The following EIF4G1 variants were observed in gnomAD, a reference collection of about 807,000 sequenced individuals.
EIF4G1 encodes EIF4-gamma.
In EIF4G1, 4 loss-of-function variants were observed where a neutral mutation model predicts 187.8. That is an observed-to-expected ratio of 0.02 (90% CI 0.01 to 0.05). The LOEUF is 0.05. Among genes scored for constraint, EIF4G1 ranks in the 10% least tolerant of loss-of-function variants. The pLI, the probability that EIF4G1 is intolerant of heterozygous loss-of-function variation, is 1.00. For synonymous variants in EIF4G1, 844 were observed against 781.4 expected (o/e 1.08, Z -1.34); for missense variants, 1,647 against 2,081.1 (o/e 0.79, Z 4.06).
intron 30 of EIF4G1, 43 bp downstream of exon 30, chr3:184,331,649 G>A: frequency 6.2e-7 from 1 of 1,610,674 alleles, no homozygotes; most frequent in Non-Finnish European, 8.5e-7. Context: ...GTAGTTCTTA[G>A]GGTGGGGGTG....
rs753319824 is a variant in EIF4G1, at chr3:184,331,342, T to C, written c.4238T>C (p.Ile1413Thr). 7 of 1,614,166 alleles carry C rather than the reference T, an allele frequency of 4.3e-6. No homozygotes were observed. Among genetic ancestry groups the C allele is most frequent in the Non-Finnish European group, 5.9e-6 (7 of 1,180,018 alleles). ...GAATTTCTACCTGAAGGCCAGGACA[T>C]TGGTGCATTCGTCGCTGAACAGGTT... ...WKEFLPEGQD[I>T]GAFVAEQKVE... The change falls in exon 29 of 33, where the codon ATT (isoleucine) becomes ACT (threonine). Residue 1413 changes from isoleucine to threonine, a missense_variant. By Grantham distance (89) the Ile-to-Thr change is moderately conservative. This residue lies in a region of EIF4G1 where 543 missense variants were observed against 638.0 expected (regional missense o/e 0.85). Coordinates refer to ENST00000346169, the MANE Select transcript of EIF4G1 (RefSeq NM_198241.3).
rs573866652 is a variant in EIF4G1, at chr3:184,323,286, T to C, written c.2088+45T>C. ...GTGGCAGGTGGGCAAGGAGTGGGAG[T>C]GGATGATTCCGTGTCTCAGTGCCCG... On this transcript the variant is annotated intron_variant, in intron 14 of 32. Transcript: ENST00000346169. This position sits in a 1 kb window ranked among gnomAD's most constrained non-coding sequence, Gnocchi z 6.9. 6.2e-7 allele frequency: 1 copy of C among 1,612,330 alleles called. No homozygotes were observed. Among genetic ancestry groups the C allele is most frequent in the South Asian group, 1.1e-5 (1 of 91,036 alleles).
rs373225637 is a variant in EIF4G1 at position 184,331,733 on chromosome 3, C to T, written c.4401C>T (p.Asn1467=). ...NQRVFDWIEA[N]LSEQQIVSNT... ...CATTTGTTTCTCCCATACAGGCCAA[C>T]CTGAGTGAGCAGCAGATAGTATCCA... The change falls in exon 31 of 33, where the codon AAC becomes AAT. Residue 1467 remains asparagine (N), a synonymous_variant. Transcript: ENST00000346169. The T allele has an allele frequency of 6.2e-7, 1 of 1,614,136 alleles. No homozygotes were observed. Among genetic ancestry groups the T allele is most frequent in the African/African-American group, 1.3e-5 (1 of 75,032 alleles).
chr3:184,315,620 A>G (rs73187631), intron 2 of EIF4G1, 75 bp downstream of exon 2: 1 of 772,430 alleles, frequency 1.3e-6, no homozygotes, highest in Non-Finnish European at 2.4e-6. Context: ...GTTGGTGGGG[A>G]CAGGCTGTAT....
chr3:184,317,922 TA>T (rs1206711994), intron 6 of EIF4G1, 106 bp downstream of exon 6: 17 of 831,646 alleles, frequency 2.0e-5, no homozygotes, highest in Non-Finnish European at 3.2e-5. Context: ...GCTTCTGGTC[TA>T]AAAATGATAA....
At position 184,334,668 on chromosome 3, in the gene EIF4G1, G is replaced by A; in HGVS notation, c.4619-59G>A. The A allele has an allele frequency of 6.2e-7, 1 of 1,608,528 alleles. No individual in the cohort carries two copies. The highest frequency in any genetic ancestry group is 8.5e-7 in the Non-Finnish European group (1 of 1,175,584). On this transcript the variant is annotated intron_variant, in intron 32 of 32. Transcript: ENST00000346169. This position sits in a 1 kb window ranked among gnomAD's most constrained non-coding sequence, Gnocchi z 5.8. Reference sequence around the variant, plus strand: ...ACAGTGGAACTTGGGAGGGTTCCCTGGGGTGGGCTGGGGTGGCGGTGGCCA... The same window carrying A: ...ACAGTGGAACTTGGGAGGGTTCCCTAGGGTGGGCTGGGGTGGCGGTGGCCA...
In EIF4G1 at chr3:184,323,126, A is replaced by C; in HGVS notation, c.1973A>C (p.Gln658Pro). ...CGGCCACTGGATCCCACTAGACTAC[A>C]AGGCATAAATTGTGGCCCAGACTTC... is the stretch of plus-strand genomic sequence containing the variant. ...PLRPLDPTRLQGINCGPDFTP... is the reference protein window; with the variant it reads ...PLRPLDPTRLPGINCGPDFTP... The change falls in exon 14 of 33, where the codon CAA becomes CCA. Residue 658 changes from glutamine (Q) to proline (P), a missense_variant. Coordinates refer to ENST00000346169, the MANE Select transcript of EIF4G1 (RefSeq NM_198241.3). This position sits in a 1 kb window ranked among gnomAD's most constrained non-coding sequence, Gnocchi z 6.9. 6.2e-7 allele frequency: 1 copy of C among 1,614,222 alleles called. No homozygotes were observed. The highest frequency in any genetic ancestry group is 1.3e-5 in the African/African-American group (1 of 75,068).
Position 184,327,718 on chromosome 3 carries a change from G to T in EIF4G1, c.3780+14G>T, listed in dbSNP as rs758504142. 6.8e-6 allele frequency: 11 copies of T among 1,613,758 alleles called. No individual in the cohort carries two copies. Among genetic ancestry groups the T allele is most frequent in the Non-Finnish European group, 9.3e-6 (11 of 1,179,756 alleles). On this transcript the variant is annotated intron_variant, in intron 25 of 32. Coordinates refer to ENST00000346169, the MANE Select transcript of EIF4G1 (RefSeq NM_198241.3). Reference sequence around the variant, plus strand: ...AATGACATGAAAGTAGGCAGTGGGAGCGGCGTGTGATTGAGGAGTGGGCAG... The same window carrying T: ...AATGACATGAAAGTAGGCAGTGGGATCGGCGTGTGATTGAGGAGTGGGCAG...
At chr3:184,315,423 A>G in intron 1 of EIF4G1, 66 bp from the exon 2 acceptor site, 1 of 547,824 alleles carries the variant, frequency 1.8e-6, no homozygotes, top group Non-Finnish European at 3.6e-6. Flanking sequence ...CGAGACCTGG[A>G]ATTTCCGGTC....
At position 184,331,711 on chromosome 3, in the gene EIF4G1, T is replaced by C. The variant is rs755089546; in HGVS notation, c.4396-17T>C. 1 of 1,613,950 alleles carries C rather than the reference T, an allele frequency of 6.2e-7. No individual in the cohort carries two copies. Among genetic ancestry groups the C allele is most frequent in the African/African-American group, 1.3e-5 (1 of 74,880 alleles). ...GCCCAATTCAGAATCTGGGGATCAT[T>C]TGTTTCTCCCATACAGGCCAACCTG... On this transcript the variant is annotated splice_polypyrimidine_tract_variant and intron_variant, in intron 30 of 32. Transcript: ENST00000346169.
At chr3:184,330,862 C>T (rs1725938215) in intron 28 of EIF4G1, among the ~76,000 whole-genome samples, 1 of 152,120 alleles carries the variant, frequency 6.6e-6, no homozygotes, top group Non-Finnish European at 1.5e-5. Flanking sequence ...GCCTCAGCCT[C>T]CCGAGTAGCT....
Position 184,334,965 on chromosome 3 carries a change from C to T in EIF4G1, c.*57C>T, listed in dbSNP as rs567058035. 1.2e-4 allele frequency: 198 copies of T among 1,607,506 alleles called. No homozygotes were observed. In the African/African-American group the frequency reaches 2.2e-3, roughly 18 times the overall value. On this transcript the variant is annotated 3_prime_UTR_variant, in exon 33 of 33. Coordinates refer to ENST00000346169, the MANE Select transcript of EIF4G1 (RefSeq NM_198241.3). The surrounding 1 kb of genome is among the most constrained non-coding windows in gnomAD (Gnocchi z 5.8). ...TGGACACACAGATGGCCCGGCTAGC[C>T]GCCTGGACTGCAGGGGGGCGGCAGC...
chr3:184,330,443 T>C (rs921604278), intron 28 of EIF4G1, among the ~76,000 whole-genome samples: 10 of 152,108 alleles, frequency 6.6e-5, no homozygotes, highest in Non-Finnish European at 1.3e-4. Flanking sequence ...AAAATGGGCA[T>C]GTTTTAAAAT....
intron 16 of EIF4G1, 77 bp downstream of exon 16, chr3:184,324,054 T>C: frequency 6.2e-7 from 1 of 1,607,420 alleles, no homozygotes; most frequent in South Asian, 1.1e-5. Context: ...GTCCAGCTTC[T>C]TGGTTCCCCT....
intron 28 of EIF4G1, 147 bp downstream of exon 28, chr3:184,329,137 T>A: frequency 1.1e-6 from 1 of 944,042 alleles, no homozygotes; most frequent in Non-Finnish European, 1.6e-6. Context: ...AATACTGAGG[T>A]GGGCCATCTC....
rs1216321301 is a variant in EIF4G1 at position 184,325,505 on chromosome 3, A to C, written c.2987A>C (p.Asp996Ala). The C allele has an allele frequency of 6.2e-7, 1 of 1,613,936 alleles. No individual in the cohort carries two copies. The highest frequency in any genetic ancestry group is 8.5e-7 in the Non-Finnish European group (1 of 1,180,038). ...AGCAATTGGGTGCCACGCCGAGGGG[A>C]TCAGGGTCCCAAGACCATTGACCAG... Reference protein sequence around the residue: ...RGSNWVPRRGDQGPKTIDQIH... With the variant: ...RGSNWVPRRGAQGPKTIDQIH... Residue 996 changes from aspartate to alanine, a missense_variant, in exon 20 of 33, where the codon GAT (aspartate) becomes GCT (alanine). This residue lies in a region of EIF4G1 where 142 missense variants were observed against 296.6 expected (regional missense o/e 0.48). Transcript: ENST00000346169. The surrounding 1 kb of genome is among the most constrained non-coding windows in gnomAD (Gnocchi z 5.2).
intron 21 of EIF4G1, 100 bp downstream of exon 21, chr3:184,326,051 A>G (rs1271251720): frequency 7.8e-6 from 10 of 1,289,822 alleles, no homozygotes; most frequent in Non-Finnish European, 1.1e-5. Flanking sequence ...GTTTCCTCTT[A>G]GACTAACTGG....
chr3:184,321,209 C>G, intron 9 of EIF4G1, 73 bp from the exon 10 acceptor site: 1 of 1,593,904 alleles, frequency 6.3e-7, no homozygotes, highest in Admixed American at 1.7e-5. Flanking sequence ...AATGCCTGGG[C>G]TGGAGGATGG....
rs958511083 is a variant in EIF4G1, at chr3:184,328,926, T to G, written c.4097T>G (p.Leu1366Arg). 1 of 1,614,190 alleles carries G rather than the reference T, an allele frequency of 6.2e-7. No individual in the cohort carries two copies. The highest frequency in any genetic ancestry group is 1.1e-5 in the South Asian group (1 of 91,084). Residue 1366 changes from leucine to arginine, a missense_variant, in exon 28 of 33, where the codon CTG becomes CGG. Coordinates refer to ENST00000346169, the MANE Select transcript of EIF4G1 (RefSeq NM_198241.3). The part of the protein sequence containing the change: ...GELFREITKP[L>R]RPLGKAASLL... ...TCTTGTAGGGAGATTACAAAGCCTC[T>G]GAGACCGTTGGGCAAAGCTGCTTCC... is the stretch of plus-strand genomic sequence containing the variant.
Sources: allele counts gnomAD v4.1 joint callset (sites outside exome capture counted in the v4.1 genomes callset), GRCh38; gene constraint gnomAD v4.1.1; regional missense constraint gnomAD v4.1.1; non-coding constraint Gnocchi (gnomAD v3.1); transcripts MANE v1.5; gene names NCBI Gene and HGNC (gene_info 2026-07-23, HGNC 2026-07-21).